STAG1: variants seen among roughly 807,000 people sequenced by gnomAD.
STAG1 encodes cohesin subunit SA-1.
Under a neutral mutation model 170.9 loss-of-function variants are expected in STAG1, and 26 were observed. The observed-to-expected ratio is 0.15, with a 90% confidence interval of 0.11 to 0.21. The LOEUF (loss-of-function observed/expected upper bound fraction) is 0.21. STAG1 is among the 10% of genes least tolerant of loss of function. The pLI, the probability that STAG1 is intolerant of heterozygous loss-of-function variation, is 1.00. For synonymous variants in STAG1, 514 were observed against 497.7 expected (o/e 1.03, Z -0.44); for missense variants, 964 against 1,509.5 (o/e 0.64, Z 5.99).
intron 22 of STAG1, among the ~76,000 whole-genome samples, chr3:136,392,665 C>A (rs2087041258): frequency 6.7e-6 from 1 of 150,112 alleles, no homozygotes; most frequent in African/African-American, 2.5e-5. Flanking sequence ...ACTGGGGAGG[C>A]TGACGGAGGA....
chr3:136,541,403 G>A (rs1456751981), intron 6 of STAG1, among the ~76,000 whole-genome samples: 2 of 152,050 alleles, frequency 1.3e-5, no homozygotes, highest in African/African-American at 4.8e-5. Flanking sequence ...TACAATCACT[G>A]TAAAACTGCT....
At chr3:136,544,717 A>G (rs1936076222) in intron 5 of STAG1, among the ~76,000 whole-genome samples, 1 of 150,898 alleles carries the variant, frequency 6.6e-6, no homozygotes, top group Non-Finnish European at 1.5e-5. Flanking sequence ...GTAAGTTGAG[A>G]TTGCACCACT....
At chr3:136,748,911 A>T (rs1935087988) in intron 1 of STAG1, among the ~76,000 whole-genome samples, 1 of 152,208 alleles carries the variant, frequency 6.6e-6, no homozygotes, top group Non-Finnish European at 1.5e-5. Context: ...CGGGAAAGGA[A>T]AAAAGGTGAG....
chr3:136,585,852 T>G (rs1413856204), intron 4 of STAG1, among the ~76,000 whole-genome samples: 1 of 152,172 alleles, frequency 6.6e-6, no homozygotes, highest in African/African-American at 2.4e-5. Flanking sequence ...CTTTAGTAGT[T>G]TGGAAACAAA....
At chr3:136,488,972 G>A (rs1449291902) in intron 9 of STAG1, among the ~76,000 whole-genome samples, 1 of 152,162 alleles carries the variant, frequency 6.6e-6, no homozygotes, top group Non-Finnish European at 1.5e-5. Flanking sequence ...AAAGCAAAGA[G>A]TAATGCAGGG....
intron 5 of STAG1, among the ~76,000 whole-genome samples, chr3:136,549,238 T>C (rs1006035219): frequency 2.0e-5 from 3 of 152,228 alleles, no homozygotes; most frequent in African/African-American, 7.2e-5. Flanking sequence ...TAAATTTATA[T>C]GTTGATGTTG....
intron 7 of STAG1, among the ~76,000 whole-genome samples, chr3:136,517,066 T>C (rs711975): frequency 0.36 from 54,757 of 152,076 alleles, 12,385 homozygotes; most frequent in East Asian, 0.81. Flanking sequence ...CTGGAGATGC[T>C]GATTCTATAA....
At chr3:136,385,941 A>G (rs745931468) in intron 22 of STAG1, among the ~76,000 whole-genome samples, 11 of 152,194 alleles carry the variant, frequency 7.2e-5, no homozygotes, top group Non-Finnish European at 1.6e-4. Flanking sequence ...GGCTCAAACA[A>G]TCCTCCCGCC....
chr3:136,446,369 G>A (rs1244332439), intron 14 of STAG1, among the ~76,000 whole-genome samples: 1 of 151,812 alleles, frequency 6.6e-6, no homozygotes, highest in African/African-American at 2.4e-5. Context: ...AGTCTATTAG[G>A]CAGTAATCTG....
chr3:136,692,971 G>A (rs1942775443), intron 1 of STAG1, among the ~76,000 whole-genome samples: 1 of 152,206 alleles, frequency 6.6e-6, no homozygotes, highest in Admixed American at 6.5e-5. Context: ...TTGGGAGCCA[G>A]CAGAGATGTC....
chr3:136,630,374 G>A (rs1033505759), intron 2 of STAG1, among the ~76,000 whole-genome samples: 1 of 151,902 alleles, frequency 6.6e-6, no homozygotes, highest in Admixed American at 6.6e-5. Context: ...AGAGCTGGAA[G>A]TGAGCAGGGA....
At chr3:136,489,645 G>GA (rs902501642) in intron 9 of STAG1, among the ~76,000 whole-genome samples, 362 of 148,580 alleles carry the variant, frequency 2.4e-3, no homozygotes, top group African/African-American at 6.9e-3. Flanking sequence ...AGGCTGCGAG[G>GA]AAAAAAAAAA....
chr3:136,563,983 A>T (rs1936954572), intron 5 of STAG1, among the ~76,000 whole-genome samples: 1 of 150,214 alleles, frequency 6.7e-6, no homozygotes, highest in East Asian at 2.0e-4. Context: ...AGATCGCACC[A>T]CCGCACTCCA....
At chr3:136,603,893 A>G (rs1019030426) in intron 4 of STAG1, among the ~76,000 whole-genome samples, 3 of 149,058 alleles carry the variant, frequency 2.0e-5, no homozygotes, top group African/African-American at 7.7e-5. Context: ...TCTCAAAAAA[A>G]AAGAAAGAAA....
chr3:136,707,123 G>A (rs1943249598), intron 1 of STAG1, among the ~76,000 whole-genome samples: 1 of 152,114 alleles, frequency 6.6e-6, no homozygotes, highest in African/African-American at 2.4e-5. Flanking sequence ...AGAAAACATA[G>A]AAGTAACCTA....
chr3:136,373,169 G>A (rs1045901475), intron 23 of STAG1, among the ~76,000 whole-genome samples: 8 of 152,186 alleles, frequency 5.3e-5, no homozygotes, highest in African/African-American at 1.4e-4. Context: ...ATGGTAGTTT[G>A]TATTTCTGTA....
chr3:136,655,964 A>T (rs1309135691), intron 1 of STAG1, among the ~76,000 whole-genome samples: 1 of 152,166 alleles, frequency 6.6e-6, no homozygotes, highest in Non-Finnish European at 1.5e-5. Flanking sequence ...TTGAAGACAT[A>T]TTTATACACC....
intron 1 of STAG1, among the ~76,000 whole-genome samples, chr3:136,729,477 CAGTAAATAAGATCT>C (rs1193878955): frequency 1.3e-5 from 2 of 151,468 alleles, no homozygotes; most frequent in Non-Finnish European, 2.9e-5. Context: ...TTCTTTAACA[CAGTAAATAAGATCT>C]AGAGGTTAGT....
chr3:136,551,748 C>T (rs1279674977), intron 5 of STAG1, among the ~76,000 whole-genome samples: 4 of 149,672 alleles, frequency 2.7e-5, no homozygotes, highest in Non-Finnish European at 6.0e-5. Context: ...GGACTACAGG[C>T]ACACACCTGG....
Sources: allele counts gnomAD v4.1 joint callset (sites outside exome capture counted in the v4.1 genomes callset), GRCh38; gene constraint gnomAD v4.1.1; transcripts MANE v1.5; gene names NCBI Gene and HGNC (gene_info 2026-07-23, HGNC 2026-07-21).